The following ANKRD13C variants were observed in gnomAD, a reference collection of about 807,000 sequenced individuals.
The protein encoded by ANKRD13C is ankyrin repeat domain 13C.
ANKRD13C carries 16 observed loss-of-function variants against 65.5 expected under a neutral mutation model. The ratio of observed to expected loss-of-function variants is 0.24; its 90% CI spans 0.17 to 0.37. The LOEUF (loss-of-function observed/expected upper bound fraction) is 0.37, where lower values mean the gene tolerates loss of function less well. Among genes scored for constraint, ANKRD13C ranks in the 10% least tolerant of loss-of-function variants. The pLI is 1.00. For missense variants in ANKRD13C, 503 were observed against 655.9 expected (o/e 0.77, Z 2.55); for synonymous variants, 235 against 238.7 (o/e 0.98, Z 0.14).
chr1:70,297,146 T>C (rs140634833), intron 7 of ANKRD13C, among the ~76,000 whole-genome samples: 153 of 151,822 alleles, frequency 1.0e-3, no homozygotes, highest in African/African-American at 3.5e-3. Context: ...ACCTAGGGAG[T>C]TGTCTGGAGA....
chr1:70,309,706 A>T (rs1176318428), intron 5 of ANKRD13C, among the ~76,000 whole-genome samples: 1 of 141,942 alleles, frequency 7.0e-6, no homozygotes, highest in African/African-American at 2.6e-5. Context: ...ACAGAGCCAG[A>T]CTCCGTCGCA....
chr1:70,292,712 C>T (rs1184601842), intron 8 of ANKRD13C, among the ~76,000 whole-genome samples, 163 bp from the exon 9 acceptor site: 4 of 152,218 alleles, frequency 2.6e-5, no homozygotes, highest in African/African-American at 9.6e-5. Context: ...ACAACATATA[C>T]ATCTAAGTTA....
At chr1:70,285,406 GCT>G (rs1679577792) in intron 9 of ANKRD13C, among the ~76,000 whole-genome samples, 1 of 151,838 alleles carries the variant, frequency 6.6e-6, no homozygotes, top group South Asian at 2.1e-4. Context: ...CGTTGGCCAG[GCT>G]GGTCTCGAAT....
intron 6 of ANKRD13C, among the ~76,000 whole-genome samples, chr1:70,302,205 T>C (rs951683905): frequency 1.3e-5 from 2 of 151,978 alleles, no homozygotes; most frequent in Admixed American, 1.3e-4. Context: ...CTACTGACAA[T>C]TCTGCCAGGA....
chr1:70,312,880 C>A (rs1005230875), intron 5 of ANKRD13C, among the ~76,000 whole-genome samples: 1 of 151,406 alleles, frequency 6.6e-6, no homozygotes, highest in African/African-American at 2.4e-5. Flanking sequence ...GGAGAAAAAC[C>A]TTGTTAAGGT....
intron 9 of ANKRD13C, among the ~76,000 whole-genome samples, chr1:70,279,591 C>T (rs1005938854): frequency 4.6e-5 from 7 of 150,650 alleles, no homozygotes; most frequent in East Asian, 3.9e-4. Context: ...CTGCAACCTC[C>T]GCCTCCCAGG....
At position 70,276,929 on chromosome 1, in the gene ANKRD13C, A is replaced by C. The variant is rs989408969; in HGVS notation, c.1216-85T>G. On this transcript the variant is annotated intron_variant, in intron 9 of 12. Coordinates refer to ENST00000370944, the MANE Select transcript of ANKRD13C (RefSeq NM_030816.5). Reference sequence around the variant, plus strand: ...AAATATAAGATTAAAATACATCGTAAACTATTAAAACTAACAATCTACTTA... The same window carrying C: ...AAATATAAGATTAAAATACATCGTACACTATTAAAACTAACAATCTACTTA... 21 of 1,026,874 alleles carry C rather than the reference A, an allele frequency of 2.0e-5. No homozygotes were observed. The African/African-American group carries it at 3.1e-4, about 15-fold the overall frequency. 63.6% of individuals were successfully genotyped at this position (1,026,874 alleles called of 1,614,324 possible).
intron 12 of ANKRD13C, among the ~76,000 whole-genome samples, chr1:70,270,346 G>A (rs539650106): frequency 2.0e-5 from 3 of 152,070 alleles, no homozygotes; most frequent in Non-Finnish European, 4.4e-5. Context: ...TTCTCATCAG[G>A]CACTTTAAAT....
intron 8 of ANKRD13C, chr1:70,293,422 AC>A (rs1679945972): frequency 3.5e-6 from 1 of 288,526 alleles, no homozygotes; most frequent in South Asian, 1.3e-4. Flanking sequence ...GTTCCAGTCC[AC>A]CTTGCAAAAA....
chr1:70,336,624 G>A (rs1682046147), intron 1 of ANKRD13C, among the ~76,000 whole-genome samples: 2 of 152,136 alleles, frequency 1.3e-5, no homozygotes, highest in Admixed American at 6.5e-5. Context: ...ACACTGAAAT[G>A]AGCCTTAAAG....
intron 5 of ANKRD13C, among the ~76,000 whole-genome samples, chr1:70,308,781 C>T (rs1017453172): frequency 2.0e-5 from 3 of 150,154 alleles, no homozygotes; most frequent in Non-Finnish European, 3.0e-5. Context: ...AATTATTGAG[C>T]AAAACAAACA....
At chr1:70,304,803 C>G (rs1011516068) in intron 6 of ANKRD13C, among the ~76,000 whole-genome samples, 3 of 152,126 alleles carry the variant, frequency 2.0e-5, no homozygotes, top group Admixed American at 6.6e-5. Context: ...ATTAATGAAA[C>G]CATAATAATT....
intron 10 of ANKRD13C, among the ~76,000 whole-genome samples, chr1:70,275,933 G>C (rs1679112119): frequency 1.5e-5 from 2 of 136,974 alleles, no homozygotes; most frequent in South Asian, 4.6e-4. Flanking sequence ...CTGCACTCCA[G>C]CCTGGGCGAC....
chr1:70,333,915 T>C (rs1226290207), intron 2 of ANKRD13C, among the ~76,000 whole-genome samples: 1 of 152,188 alleles, frequency 6.6e-6, no homozygotes, highest in Admixed American at 6.5e-5. Context: ...AGCCTTTTAA[T>C]GAATACTTCT....
In ANKRD13C at chr1:70,309,821, T is replaced by G. The variant is rs189490559; in HGVS notation, c.710-3531A>C. ...AACAAATAAAAATAGAGAATTAGTT[T>G]TTTAGTTAAAACGTGCTATATGCAT... On this transcript the variant is annotated intron_variant, in intron 5 of 12. Transcript: ENST00000370944. Among the ~76,000 whole-genome samples the G allele has an allele frequency of 4.1e-3, 627 of 151,802 alleles. 6 individuals carry two copies. Among genetic ancestry groups the G allele is most frequent in the South Asian group, 0.038 (184 of 4,828 alleles).
chr1:70,298,087 A>G (rs1372383010), intron 7 of ANKRD13C, among the ~76,000 whole-genome samples: 1 of 152,180 alleles, frequency 6.6e-6, no homozygotes, highest in Non-Finnish European at 1.5e-5. Context: ...TTCTGAACAC[A>G]ATATTCTTTA....
chr1:70,307,031 T>C (rs1201807944), intron 5 of ANKRD13C, among the ~76,000 whole-genome samples: 3 of 152,168 alleles, frequency 2.0e-5, no homozygotes, highest in African/African-American at 7.2e-5. Context: ...TTCTTGAAAT[T>C]AAGACCATAT....
chr1:70,331,904 T>C (rs751075540), intron 2 of ANKRD13C, among the ~76,000 whole-genome samples: 1 of 151,704 alleles, frequency 6.6e-6, no homozygotes. Context: ...CTCACTCTTG[T>C]GCAACCAAAT....
intron 9 of ANKRD13C, among the ~76,000 whole-genome samples, chr1:70,290,655 C>T (rs1292865981): frequency 1.3e-5 from 2 of 151,960 alleles, no homozygotes; most frequent in East Asian, 1.9e-4. Context: ...GATCATCCTG[C>T]CTCAGCCTCC....
Sources: gnomAD v4.1 joint callset for allele counts (sites outside exome capture counted in the v4.1 genomes callset) on GRCh38, gnomAD v4.1.1 for gene constraint, MANE v1.5 for transcripts, NCBI Gene and HGNC (gene_info 2026-07-23, HGNC 2026-07-21) for gene names.